Variants in ACCSL observed in about 807,000 individuals in gnomAD.
ACCSL encodes 1-aminocyclopropane-1-carboxylate synthase homolog (inactive) like.
In ACCSL, 55 loss-of-function variants were observed where a neutral mutation model predicts 61.7. The ratio of observed to expected loss-of-function variants is 0.89; its 90% CI spans 0.72 to 1.12. ACCSL has a LOEUF of 1.12. ACCSL is among the 50% of genes most tolerant of loss of function. The pLI is 0.00. For missense variants in ACCSL, 632 were observed against 698.0 expected (o/e 0.91, Z 1.07); for synonymous variants, 258 against 264.3 (o/e 0.98, Z 0.23).
chr11:43,949,428 G>A, the ACCSL span, among the ~76,000 whole-genome samples: 11 of 152,356 alleles, frequency 7.2e-5, no homozygotes, highest in East Asian at 2.1e-3. Flanking sequence ...GGACCCCAAA[G>A]TCACTAAGCC....
chr11:44,031,222 G>A, the ACCSL span, among the ~76,000 whole-genome samples: 1 of 152,172 alleles, frequency 6.6e-6, no homozygotes, highest in Non-Finnish European at 1.5e-5. Flanking sequence ...GAGAATAAAC[G>A]TTCGCACGTC....
chr11:43,942,838 G>A, the ACCSL span: 3 of 1,139,642 alleles, frequency 2.6e-6, no homozygotes, highest in South Asian at 4.3e-5. Flanking sequence ...GGGGGGCCCC[G>A]GCGCAGCGGC....
the ACCSL span, among the ~76,000 whole-genome samples, chr11:44,038,014 C>G: frequency 6.6e-6 from 1 of 152,114 alleles, no homozygotes; most frequent in Non-Finnish European, 1.5e-5. Flanking sequence ...AATTGAAGAC[C>G]TCTGCCCTCA....
rs1382090157 is a variant in ACCSL, at chr11:44,058,314, C to T, written c.1328-3C>T. 1.9e-6 allele frequency: 3 copies of T among 1,614,000 alleles called. No individual in the cohort carries two copies. Among genetic ancestry groups the T allele is most frequent in the Non-Finnish European group, 2.5e-6 (3 of 1,180,008 alleles). On this transcript the variant is annotated splice_polypyrimidine_tract_variant and splice_region_variant and intron_variant, in intron 11 of 13. Coordinates refer to ENST00000378832, the MANE Select transcript of ACCSL (RefSeq NM_001031854.2). Reference sequence around the variant, plus strand: ...TGACAGTGTTTTTCCTCTACCCATCCAGAATGGATTGACAAAGTATACCTA... The same window carrying T: ...TGACAGTGTTTTTCCTCTACCCATCTAGAATGGATTGACAAAGTATACCTA...
At chr11:43,922,073 G>T in the ACCSL span, 4 of 152,320 alleles carry the variant, frequency 2.6e-5, no homozygotes, top group East Asian at 1.9e-4. Flanking sequence ...CTTACATCGC[G>T]TGTAAAGCTG....
chr11:43,944,025 G>A, the ACCSL span: 1 of 461,580 alleles, frequency 2.2e-6, no homozygotes, highest in African/African-American at 2.1e-5. Flanking sequence ...ACCGGAACGA[G>A]GTTGCGCCAC....
In ACCSL at chr11:44,052,719, A is replaced by AT. The variant is rs764800733; in HGVS notation, c.831dup (p.Ala278CysfsTer4). 6.2e-7 allele frequency: 1 copy of AT among 1,614,086 alleles called. No homozygotes were observed. Among genetic ancestry groups the AT allele is most frequent in the Non-Finnish European group, 8.5e-7 (1 of 1,180,008 alleles). ...GGCTTTGCCTTTAGCTCCCGCCTGTATGCAAAGGTTGAGTTGATTCCTGTC... is the reference window on the plus strand; with the variant it reads ...GGCTTTGCCTTTAGCTCCCGCCTGTATTGCAAAGGTTGAGTTGATTCCTGTC... On this transcript the variant is annotated frameshift_variant, in exon 6 of 14. Coordinates refer to ENST00000378832, the MANE Select transcript of ACCSL (RefSeq NM_001031854.2). LOFTEE classifies it high-confidence loss of function.
At chr11:43,948,662 T>TG in the ACCSL span, among the ~76,000 whole-genome samples, 1 of 152,032 alleles carries the variant, frequency 6.6e-6, no homozygotes, top group East Asian at 1.9e-4. Flanking sequence ...TTTGTTGAGA[T>TG]GGGGTCTCCC....
chr11:44,020,644 C>A, the ACCSL span, among the ~76,000 whole-genome samples: 1 of 151,372 alleles, frequency 6.6e-6, no homozygotes, highest in Admixed American at 6.6e-5. Context: ...TTTTTAATTT[C>A]AATAGTTTTT....
the ACCSL span, chr11:43,933,530 AG>A: frequency 1.7e-5 from 3 of 171,488 alleles, no homozygotes; most frequent in Admixed American, 1.7e-4. Flanking sequence ...TACTTTGCAA[AG>A]CTTAAGGGCC....
chr11:44,005,820 T>C, the ACCSL span, among the ~76,000 whole-genome samples: 1 of 152,162 alleles, frequency 6.6e-6, no homozygotes, highest in Admixed American at 6.5e-5. Context: ...ATCCCCACTT[T>C]ACAGATGAAG....
In ACCSL at chr11:44,055,223, A is replaced by G; in HGVS notation, c.1071A>G (p.Ile357Met). ...FAKRYNLHVI[I>M]DEIYMLSVFD... is the part of the protein sequence containing the mutation. Reference sequence around the variant, plus strand: ...ACAGGTATAACCTACATGTGATCATAGATGAGATTTACATGCTGTCTGTGT... The same window carrying G: ...ACAGGTATAACCTACATGTGATCATGGATGAGATTTACATGCTGTCTGTGT... The change falls in exon 9 of 14, where the codon ATA becomes ATG. Residue 357 changes from isoleucine (I) to methionine (M), a missense_variant. By Grantham distance (10) the Ile-to-Met change is conservative. Transcript: ENST00000378832. The G allele has an allele frequency of 6.2e-7, 1 of 1,611,830 alleles. No homozygotes were observed. Among genetic ancestry groups the G allele is most frequent in the Non-Finnish European group, 8.5e-7 (1 of 1,178,192 alleles).
the ACCSL span, among the ~76,000 whole-genome samples, chr11:43,956,945 C>T: frequency 2.0e-5 from 3 of 152,014 alleles, no homozygotes; most frequent in Non-Finnish European, 4.4e-5. Flanking sequence ...GAATGGTTTC[C>T]TACATGTGAG....
chr11:43,935,830 G>A, the ACCSL span, among the ~76,000 whole-genome samples: 1 of 152,094 alleles, frequency 6.6e-6, no homozygotes, highest in African/African-American at 2.4e-5. Context: ...TGTAGCCCCA[G>A]AGCTACAGAC....
the ACCSL span, among the ~76,000 whole-genome samples, chr11:43,935,295 C>T: frequency 5.9e-5 from 9 of 152,330 alleles, no homozygotes; most frequent in Non-Finnish European, 1.2e-4. Flanking sequence ...GGGCCAAACA[C>T]ACCCAAAGTG....
the ACCSL span, among the ~76,000 whole-genome samples, chr11:43,924,310 C>A: frequency 1.3e-5 from 2 of 152,356 alleles, no homozygotes; most frequent in African/African-American, 4.8e-5. Context: ...GCTGCTGTGG[C>A]CTGTGGGACC....
Position 44,059,870 on chromosome 11 carries a change from C to A in ACCSL, c.1657C>A (p.Gln553Lys). 1 of 1,613,866 alleles carries A rather than the reference C, an allele frequency of 6.2e-7. No individual in the cohort carries two copies. Among genetic ancestry groups the A allele is most frequent in the Admixed American group, 1.7e-5 (1 of 60,012 alleles). Residue 553 changes from glutamine (Q) to lysine (K), a missense_variant, in exon 14 of 14, where the codon CAG becomes AAG. Gln to Lys is a moderately conservative substitution (Grantham distance 53). Transcript: ENST00000378832. ...TCGGTTCTGTGATGTGCTGCAGGAG[C>A]AGAAGGAGGCTTTGATAGTGAAGCA... Reference protein sequence around the residue: ...MRRFCDVLQEQKEALIVKQLE... With the variant: ...MRRFCDVLQEKKEALIVKQLE...
At position 44,048,278 on chromosome 11, in the gene ACCSL, T is replaced by A. The variant is rs898853612; in HGVS notation, c.242T>A (p.Leu81His). 3.1e-6 allele frequency: 5 copies of A among 1,613,990 alleles called. No individual in the cohort carries two copies. The highest frequency in any genetic ancestry group is 4.2e-6 in the Non-Finnish European group (5 of 1,179,988). Residue 81 changes from leucine (L) to histidine (H), a missense_variant, in exon 1 of 14, where the codon CTC becomes CAC. Leu to His is a moderately conservative substitution (Grantham distance 99, BLOSUM62 -3). Coordinates refer to ENST00000378832, the MANE Select transcript of ACCSL (RefSeq NM_001031854.2). ...CGCTTAATATGCCGGATGATCAACC[T>A]CCTACAGTCTGGGGCCGCGAGTGGC... ...LSRLICRMIN[L>H]LQSGAASGLE...
rs1565159005 is a variant in ACCSL, at chr11:44,052,695, G to T, written c.806G>T (p.Gly269Val). 6 of 1,614,180 alleles carry T rather than the reference G, an allele frequency of 3.7e-6. No homozygotes were observed. Among genetic ancestry groups the T allele is most frequent in the Non-Finnish European group, 4.2e-6 (5 of 1,180,032 alleles). Reference sequence around the variant, plus strand: ...CTGGTCCCTGCTCCCTTCTATGGTGGCTTTGCCTTTAGCTCCCGCCTGTAT... The same window carrying T: ...CTGGTCCCTGCTCCCTTCTATGGTGTCTTTGCCTTTAGCTCCCGCCTGTAT... ...AFLVPAPFYG[G>V]FAFSSRLYAK... is the part of the protein sequence containing the mutation. The change falls in exon 6 of 14, where the codon GGC becomes GTC. Residue 269 changes from glycine (G) to valine (V), a missense_variant. Coordinates refer to ENST00000378832, the MANE Select transcript of ACCSL (RefSeq NM_001031854.2).
Sources: gnomAD v4.1 joint callset for allele counts (sites outside exome capture counted in the v4.1 genomes callset) on GRCh38, gnomAD v4.1.1 for gene constraint, MANE v1.5 for transcripts, NCBI Gene and HGNC (gene_info 2026-07-23, HGNC 2026-07-21) for gene names.